The following ZNF624 variants were observed in gnomAD, a reference collection of about 807,000 sequenced individuals.
ZNF624 encodes zinc finger protein 624.
Under a neutral mutation model 74.7 loss-of-function variants are expected in ZNF624, and 43 were observed. The observed-to-expected ratio is 0.58, with a 90% CI of 0.45 to 0.74. The LOEUF (loss-of-function observed/expected upper bound fraction) is 0.74, where lower values mean the gene tolerates loss of function less well. Among genes scored for constraint, ZNF624 ranks in the 30% least tolerant of loss-of-function variants. The probability of loss-of-function intolerance (pLI) is 0.00; values close to 1 mark genes in which losing one functional copy is unlikely to be tolerated. For synonymous variants in ZNF624, 331 were observed against 341.3 expected (o/e 0.97, Z 0.33); for missense variants, 820 against 1,030.0 (o/e 0.80, Z 2.79).
At chr17:16,645,958 A>AAAAAG (rs1909583054) in intron 3 of ZNF624, among the ~76,000 whole-genome samples, 5 of 151,388 alleles carry the variant, frequency 3.3e-5, no homozygotes, top group Non-Finnish European at 7.4e-5. Flanking sequence ...AAAAAAAAAA[A>AAAAAG]AAAAAAAGAA....
chr17:16,634,138 C>G (rs1427160197), intron 4 of ZNF624, among the ~76,000 whole-genome samples, 181 bp from the exon 5 acceptor site: 1 of 152,140 alleles, frequency 6.6e-6, no homozygotes, highest in Non-Finnish European at 1.5e-5. Context: ...TAAATAAAAT[C>G]AAGTAAAATC....
At chr17:16,637,844 A>C (rs966606336) in intron 3 of ZNF624, among the ~76,000 whole-genome samples, 2 of 152,124 alleles carry the variant, frequency 1.3e-5, no homozygotes, top group African/African-American at 4.8e-5. Context: ...AAGCAATGGC[A>C]ACAAAAGCCA....
Position 16,634,751 on chromosome 17 carries a change from C to T in ZNF624, c.159G>A (p.Ser53=), listed in dbSNP as rs372106755. The T allele has an allele frequency of 1.2e-5, 19 of 1,611,064 alleles. No homozygotes were observed. The African/African-American group carries it at 1.6e-4, about 14-fold the overall frequency. ...QAEETQLVKE[S]VTFKDVAIDF... The stretch of plus-strand genomic sequence containing the variant: ...CTATAGCCACATCCTTAAATGTCAC[C>T]GATTCCTAAAACAATTACATTGTGA... The change falls in exon 4 of 6, where the codon TCG becomes TCA. Residue 53 remains serine, a synonymous_variant. Coordinates refer to ENST00000311331, the MANE Select transcript of ZNF624 (RefSeq NM_020787.4).
At chr17:16,642,446 G>A (rs113823447) in intron 3 of ZNF624, among the ~76,000 whole-genome samples, 54 of 152,236 alleles carry the variant, frequency 3.5e-4, no homozygotes, top group African/African-American at 1.2e-3. Context: ...AAACAGTGCT[G>A]AGACAACTGA....
chr17:16,625,681 G>A (rs1909054254), intron 5 of ZNF624, among the ~76,000 whole-genome samples: 1 of 152,092 alleles, frequency 6.6e-6, no homozygotes, highest in Non-Finnish European at 1.5e-5. Context: ...ATTTCAAATA[G>A]TGGTAATTAT....
intron 3 of ZNF624, among the ~76,000 whole-genome samples, chr17:16,645,643 A>AAC (rs929401311): frequency 2.0e-5 from 3 of 151,644 alleles, no homozygotes; most frequent in Non-Finnish European, 2.9e-5. Context: ...CAAAAAAAAA[A>AAC]AAAACAAAAC....
downstream of ZNF624, chr17:16,617,834 C>T: frequency 6.2e-7 from 1 of 1,611,780 alleles, no homozygotes; most frequent in Admixed American, 1.7e-5. Flanking sequence ...GCTGGATGGC[C>T]TTCTCCTGGA....
chr17:16,624,570 A>G, intron 5 of ZNF624, 61 bp from the exon 6 acceptor site: 1 of 1,399,096 alleles, frequency 7.1e-7, no homozygotes, highest in Non-Finnish European at 9.7e-7. Flanking sequence ...ATCTCACTAA[A>G]CAGAATAATA....
In ZNF624 at chr17:16,625,164, C is replaced by A. The variant is rs1015568188; in HGVS notation, c.377-655G>T. On this transcript the variant is annotated intron_variant, in intron 5 of 5. Transcript: ENST00000311331. ...TTACTCCACAAACCAGACTTTAGTC[C>A]CCAATCACACTTTCTATTTGTTTTG... Among the ~76,000 whole-genome samples, 6 of 152,160 alleles carry A rather than the reference C, an allele frequency of 3.9e-5. No individual in the cohort carries two copies. The East Asian group carries it at 1.2e-3, about 29-fold the overall frequency.
rs142158380 is a variant in ZNF624, at chr17:16,624,465, C to G, written c.421G>C (p.Ala141Pro). The G allele has an allele frequency of 2.5e-4, 399 of 1,593,894 alleles. No individual in the cohort carries two copies. In the African/African-American group the frequency reaches 4.7e-3, roughly 19 times the overall value. Reference sequence around the variant, plus strand: ...TCCTGTGATAAATCTTCAGAAATAGCCTTTGTTCGTGTAGCCTTCTTGGTT... The same window carrying G: ...TCCTGTGATAAATCTTCAGAAATAGGCTTTGTTCGTGTAGCCTTCTTGGTT... ...PATKKATRTKAISEDLSQEAI... is the reference protein window; with the variant it reads ...PATKKATRTKPISEDLSQEAI... Residue 141 changes from alanine (A) to proline (P), a missense_variant, in exon 6 of 6, where the codon GCT (alanine) becomes CCT (proline). Ala to Pro is a conservative substitution (Grantham distance 27, BLOSUM62 -1). Transcript: ENST00000311331.
chr17:16,648,353 A>ACT (rs1569048983), intron 2 of ZNF624, among the ~76,000 whole-genome samples: 1 of 151,818 alleles, frequency 6.6e-6, no homozygotes, highest in Non-Finnish European at 1.5e-5. Context: ...ATAAAACTAC[A>ACT]TAAAGATCAC....
chr17:16,633,899 C>G lies in ZNF624; in HGVS notation c.339G>C (p.Trp113Cys). The G allele has an allele frequency of 6.2e-7, 1 of 1,613,696 alleles. No homozygotes were observed. The highest frequency in any genetic ancestry group is 8.5e-7 in the Non-Finnish European group (1 of 1,179,726). ...ISHLENGKGPWVTVREISRIP... is the reference protein window; with the variant it reads ...ISHLENGKGPCVTVREISRIP... ...TTCTTGAAATTTCTCTCACCGTCAC[C>G]CATGGTCCTTTCCCATTCTCCAAAT... is the stretch of plus-strand genomic sequence containing the variant. The change falls in exon 5 of 6, where the codon TGG becomes TGC. Residue 113 changes from tryptophan to cysteine, a missense_variant. Physicochemically the swap from Trp to Cys is radical, Grantham distance 215. Coordinates refer to ENST00000311331, the MANE Select transcript of ZNF624 (RefSeq NM_020787.4).
downstream of ZNF624, among the ~76,000 whole-genome samples, chr17:16,618,997 G>T (rs1908847087): frequency 6.6e-6 from 1 of 152,124 alleles, no homozygotes; most frequent in Non-Finnish European, 1.5e-5. Context: ...AAGGTCAACT[G>T]TACTATCAGT....
rs1252171340 is a variant in ZNF624, at chr17:16,634,700, C to T, written c.210G>A (p.Leu70=). 5 of 1,613,684 alleles carry T rather than the reference C, an allele frequency of 3.1e-6. No individual in the cohort carries two copies. Among genetic ancestry groups the T allele is most frequent in the Non-Finnish European group, 4.2e-6 (5 of 1,179,710 alleles). The change falls in exon 4 of 6, where the codon TTG becomes TTA. Residue 70 remains leucine (L), a synonymous_variant. Transcript: ENST00000311331. Reference sequence around the variant, plus strand: ...GCAGGTTCCTCTGTGTAGGGTCCATCAACCTCCACTCCTCCAATGTGAAGT... The same window carrying T: ...GCAGGTTCCTCTGTGTAGGGTCCATTAACCTCCACTCCTCCAATGTGAAGT... ...AIDFTLEEWR[L]MDPTQRNLHK...
At chr17:16,628,106 C>CA (rs1317987910) in intron 5 of ZNF624, among the ~76,000 whole-genome samples, 1 of 151,866 alleles carries the variant, frequency 6.6e-6, no homozygotes, top group Non-Finnish European at 1.5e-5. Context: ...CTAAAAAATA[C>CA]AAAAAAATTG....
chr17:16,653,102 TG>T (rs1343571968), intron 1 of ZNF624, among the ~76,000 whole-genome samples: 5 of 152,254 alleles, frequency 3.3e-5, no homozygotes, highest in African/African-American at 1.2e-4. Flanking sequence ...GAAGGGTCCA[TG>T]TTTTTGCTGA....
At chr17:16,636,019 C>T (rs4791674) in intron 3 of ZNF624, among the ~76,000 whole-genome samples, 4,268 of 152,182 alleles carry the variant, frequency 0.028, 193 homozygotes, top group African/African-American at 0.097. Context: ...CCTAGAATAC[C>T]CTGACATATT....
At chr17:16,617,062 C>T, downstream of ZNF624, 1 of 1,611,790 alleles carries the variant, frequency 6.2e-7, no homozygotes, top group Admixed American at 1.7e-5. Flanking sequence ...CCGAGACCTG[C>T]TTCGATATTT....
chr17:16,618,040 G>C (rs577105284), downstream of ZNF624, among the ~76,000 whole-genome samples: 2 of 152,234 alleles, frequency 1.3e-5, no homozygotes, highest in South Asian at 4.1e-4. Context: ...TTCTATAATT[G>C]AAAAAATTGT....
Sources: gnomAD v4.1 joint callset for allele counts (sites outside exome capture counted in the v4.1 genomes callset) on GRCh38, gnomAD v4.1.1 for gene constraint, MANE v1.5 for transcripts, NCBI Gene and HGNC (gene_info 2026-07-23, HGNC 2026-07-21) for gene names.